Variants in ELOVL6 observed in about 807,000 individuals in gnomAD.
ELOVL6 encodes the protein ELOVL fatty acid elongase 6.
ELOVL6 carries 8 observed loss-of-function variants against 31.7 expected under a neutral mutation model. The ratio of observed to expected loss-of-function variants is 0.25; its 90% CI spans 0.15 to 0.45. The LOEUF (loss-of-function observed/expected upper bound fraction) is 0.45. Ranked by LOEUF, ELOVL6 falls within the 20% of genes least tolerant of loss-of-function variation. ELOVL6 has a pLI of 1.00. For missense variants in ELOVL6, 126 were observed against 326.4 expected (o/e 0.39, Z 4.73); for synonymous variants, 101 against 117.7 (o/e 0.86, Z 0.92).
At chr4:110,120,796 T>C (rs1757327917) in intron 1 of ELOVL6, among the ~76,000 whole-genome samples, 1 of 137,952 alleles carries the variant, frequency 7.2e-6, no homozygotes, top group Non-Finnish European at 1.6e-5. Flanking sequence ...TTTTTTTCTT[T>C]TCTTTTTTTT....
chr4:110,103,460 T>TA (rs893880786), intron 2 of ELOVL6, among the ~76,000 whole-genome samples: 299 of 148,890 alleles, frequency 2.0e-3, no homozygotes, highest in African/African-American at 6.5e-3. Context: ...CTAACTAACT[T>TA]AAAAAAAAAA....
intron 1 of ELOVL6, among the ~76,000 whole-genome samples, chr4:110,125,700 G>A (rs1307363196): frequency 1.3e-4 from 20 of 151,694 alleles, no homozygotes; most frequent in African/African-American, 2.9e-4. Flanking sequence ...GGTGGCATAC[G>A]CCTGTAGTCC....
chr4:110,111,187 T>C (rs1422682580), intron 1 of ELOVL6, among the ~76,000 whole-genome samples: 1 of 152,166 alleles, frequency 6.6e-6, no homozygotes, highest in East Asian at 1.9e-4. Context: ...TTTCCCCCCT[T>C]GTCACCTTTT....
chr4:110,160,132 A>AAACACACACACACACACACG (rs1553961535), intron 1 of ELOVL6, among the ~76,000 whole-genome samples: 8 of 152,060 alleles, frequency 5.3e-5, no homozygotes, highest in Non-Finnish European at 1.2e-4. Flanking sequence ...ACACACACAC[A>AAACACACACACACACACACG]AACACTATTG....
intron 1 of ELOVL6, among the ~76,000 whole-genome samples, chr4:110,180,196 A>G (rs1010154411): frequency 4.6e-5 from 7 of 152,158 alleles, no homozygotes; most frequent in Non-Finnish European, 8.8e-5. Context: ...TTCACCCCCT[A>G]AAAATCTCGG....
chr4:110,138,509 T>C (rs1347300763), intron 1 of ELOVL6, among the ~76,000 whole-genome samples: 1 of 152,110 alleles, frequency 6.6e-6, no homozygotes. Flanking sequence ...AAAGAGACGG[T>C]GTTAGCAGGT....
chr4:110,094,429 AT>A (rs1412308007), intron 2 of ELOVL6, among the ~76,000 whole-genome samples: 22 of 59,880 alleles, frequency 3.7e-4, no homozygotes, highest in Non-Finnish European at 5.7e-4. Context: ...ATATATATAT[AT>A]ATATATATAT....
At chr4:110,182,674 C>T (rs1299521171) in intron 1 of ELOVL6, among the ~76,000 whole-genome samples, 3 of 151,934 alleles carry the variant, frequency 2.0e-5, no homozygotes, top group Non-Finnish European at 4.4e-5. Flanking sequence ...TGTGGGAGGC[C>T]GAGGTGGGTG....
intron 3 of ELOVL6, among the ~76,000 whole-genome samples, chr4:110,055,589 G>A (rs1754959135): frequency 6.6e-6 from 1 of 152,090 alleles, no homozygotes; most frequent in South Asian, 2.1e-4. Context: ...AAAGCAACAA[G>A]CATTTGGAAA....
chr4:110,103,024 T>C (rs1458101100), intron 2 of ELOVL6, among the ~76,000 whole-genome samples: 2 of 152,194 alleles, frequency 1.3e-5, no homozygotes, highest in African/African-American at 4.8e-5. Flanking sequence ...TCTTATGAGA[T>C]CTGATGGGCT....
rs115545569 is a variant in ELOVL6 at position 110,068,453 on chromosome 4, C to T, written c.222-8699G>A. ...AAACATGAGATGAGAGTGCACTCTACGGCTGCTGTCTCAACTCACCACCAA... is the reference window on the plus strand; with the variant it reads ...AAACATGAGATGAGAGTGCACTCTATGGCTGCTGTCTCAACTCACCACCAA... On this transcript the variant is annotated intron_variant, in intron 2 of 3. Coordinates refer to ENST00000302274, the MANE Select transcript of ELOVL6 (RefSeq NM_024090.3). 4.2e-3 allele frequency among the ~76,000 whole-genome samples: 647 copies of T among 152,274 alleles called. 4 individuals carry two copies. The highest frequency in any genetic ancestry group is 0.015 in the African/African-American group (614 of 41,558).
chr4:110,145,893 A>G (rs1758091664), intron 1 of ELOVL6, among the ~76,000 whole-genome samples: 1 of 152,242 alleles, frequency 6.6e-6, no homozygotes, highest in Non-Finnish European at 1.5e-5. Flanking sequence ...TCCTAAGACT[A>G]TAATTAATAC....
At chr4:110,077,099 A>G (rs987110754) in intron 2 of ELOVL6, among the ~76,000 whole-genome samples, 1 of 152,182 alleles carries the variant, frequency 6.6e-6, no homozygotes, top group Non-Finnish European at 1.5e-5. Flanking sequence ...AGGAAGCTCG[A>G]ACTGGGTGGA....
chr4:110,118,904 A>G (rs1757263974), intron 1 of ELOVL6, among the ~76,000 whole-genome samples: 1 of 152,092 alleles, frequency 6.6e-6, no homozygotes, highest in Admixed American at 6.5e-5. Context: ...CCTTCTCTAC[A>G]GTAAAAATTA....
At chr4:110,126,692 T>C (rs1012077239) in intron 1 of ELOVL6, among the ~76,000 whole-genome samples, 1 of 152,190 alleles carries the variant, frequency 6.6e-6, no homozygotes, top group Admixed American at 6.5e-5. Context: ...ACCTATGAGA[T>C]GCTTGCAAAG....
chr4:110,094,964 G>GC (rs1389387732), intron 2 of ELOVL6, among the ~76,000 whole-genome samples: 3 of 152,090 alleles, frequency 2.0e-5, no homozygotes, highest in Admixed American at 6.6e-5. Context: ...CACAATTCTT[G>GC]CCCCAAGAAA....
intron 1 of ELOVL6, among the ~76,000 whole-genome samples, chr4:110,130,620 A>C (rs1481204896): frequency 6.6e-6 from 1 of 152,252 alleles, no homozygotes; most frequent in Non-Finnish European, 1.5e-5. Context: ...GAACAATTTT[A>C]GGCAAATTAA....
chr4:110,198,161 G>T, intron 1 of ELOVL6, 86 bp downstream of exon 1: 1 of 769,716 alleles, frequency 1.3e-6, no homozygotes, highest in Non-Finnish European at 2.3e-6. Context: ...CTCCATTCAC[G>T]CCCAGGCAGG....
chr4:110,117,543 C>T (rs149657323), intron 1 of ELOVL6, among the ~76,000 whole-genome samples: 80 of 152,032 alleles, frequency 5.3e-4, no homozygotes, highest in African/African-American at 1.5e-3. Context: ...CTTCTGACTA[C>T]GATGGGCCAT....
Sources: allele counts gnomAD v4.1 joint callset (sites outside exome capture counted in the v4.1 genomes callset), GRCh38; gene constraint gnomAD v4.1.1; transcripts MANE v1.5; gene names NCBI Gene and HGNC (gene_info 2026-07-23, HGNC 2026-07-21).